Variants in SPATA6L observed in about 807,000 individuals in gnomAD.
SPATA6L encodes the protein spermatogenesis associated 6 like.
A neutral mutation model predicts 49.2 loss-of-function variants in SPATA6L; 68 were observed. That is an observed-to-expected ratio of 1.38 (90% CI 1.14 to 1.69). SPATA6L has a LOEUF of 1.69. Among genes scored for constraint, SPATA6L ranks in the 40% most tolerant of loss-of-function variants. The probability of loss-of-function intolerance (pLI) is 0.00; values close to 1 mark genes in which losing one functional copy is unlikely to be tolerated. For synonymous variants in SPATA6L, 198 were observed against 165.7 expected, an observed-to-expected ratio of 1.19 and a Z score of -1.50; for missense variants, 668 against 464.3, an observed-to-expected ratio of 1.44 and a Z score of -4.03.
In SPATA6L at chr9:4,615,578, G is replaced by T. The variant is rs538129477; in HGVS notation, c.995+2345C>A. ...ATCTAACACATATTTAAAGAGAAAA[G>T]AGGACTTCTCAGGTCTCTCTCCTGA... On this transcript the variant is annotated intron_variant, in intron 9 of 11. Transcript: ENST00000682582. 7.9e-5 allele frequency among the ~76,000 whole-genome samples: 12 copies of T among 152,312 alleles called. No individual in the cohort carries two copies. The South Asian group carries it at 2.3e-3, about 29-fold the overall frequency.
chr9:4,620,011 C>A (rs1828906774), intron 7 of SPATA6L, among the ~76,000 whole-genome samples: 1 of 152,104 alleles, frequency 6.6e-6, no homozygotes, highest in Non-Finnish European at 1.5e-5. Flanking sequence ...GACTGCTGAT[C>A]CCCCTCCCCA....
At position 4,602,611 on chromosome 9, in the gene SPATA6L, T is replaced by C. The variant is rs565535986; in HGVS notation, c.*1+1568A>G. ...CATAATTATTCTGATCCTGCTGACATGAGGACTATACAGGACAAAGCTATA... is the reference window on the plus strand; with the variant it reads ...CATAATTATTCTGATCCTGCTGACACGAGGACTATACAGGACAAAGCTATA... On this transcript the variant is annotated intron_variant, in intron 11 of 11. Transcript: ENST00000682582. 4.9e-4 allele frequency among the ~76,000 whole-genome samples: 74 copies of C among 152,336 alleles called. 1 individual carries two copies. In the South Asian group the frequency reaches 0.013, roughly 27 times the overall value.
chr9:4,621,717 A>G (rs866682491), intron 7 of SPATA6L, among the ~76,000 whole-genome samples: 7 of 152,050 alleles, frequency 4.6e-5, no homozygotes, highest in African/African-American at 1.7e-4. Flanking sequence ...CAAACTCCCA[A>G]CCTCAGGTGA....
At position 4,624,553 on chromosome 9, in the gene SPATA6L, C is replaced by A. The variant is rs543383587; in HGVS notation, c.669+774G>T. On this transcript the variant is annotated intron_variant, in intron 6 of 11. Coordinates refer to ENST00000682582, the MANE Select transcript of SPATA6L (RefSeq NM_001353486.2). ...GACCAGCCTGACCAACATGGTGAAA[C>A]CCTGTCTTTCCTAAAAGTACAAAAA... Among the ~76,000 whole-genome samples, 6 of 152,068 alleles carry A rather than the reference C, an allele frequency of 3.9e-5. No homozygotes were observed. The South Asian group carries it at 1.2e-3, about 32-fold the overall frequency.
At chr9:4,625,765 C>G (rs1002995823) in intron 5 of SPATA6L, 199 bp from the exon 6 acceptor site, 7 of 401,770 alleles carry the variant, frequency 1.7e-5, no homozygotes, top group Middle Eastern at 6.5e-4. Context: ...GTATTTATAA[C>G]TTGCTAGTAT....
intron 9 of SPATA6L, among the ~76,000 whole-genome samples, chr9:4,608,841 A>G (rs200187334): frequency 1.1e-4 from 17 of 152,290 alleles, no homozygotes; most frequent in African/African-American, 4.1e-4. Context: ...CCTTCAAAAA[A>G]TTAATGAATC....
Position 4,662,258 on chromosome 9 carries a change from T to A in SPATA6L, c.40-222A>T. 7.0e-7 allele frequency: 1 copy of A among 1,433,398 alleles called. No homozygotes were observed. The highest frequency in any genetic ancestry group is 1.4e-5 in the African/African-American group (1 of 69,550). 88.8% of individuals were successfully genotyped at this position (1,433,398 alleles called of 1,614,324 possible). ...TCTCCACCAGGTGTCACAATCGCGC[T>A]CTCGCCGGCTCCTCTCCCCGCCCCT... is the stretch of plus-strand genomic sequence containing the variant. On this transcript the variant is annotated intron_variant, in intron 1 of 11. Coordinates refer to ENST00000682582, the MANE Select transcript of SPATA6L (RefSeq NM_001353486.2). This position sits in a 1 kb window ranked among gnomAD's most constrained non-coding sequence, Gnocchi z 4.9.
chr9:4,597,071 C>T (rs373276557), downstream of SPATA6L, among the ~76,000 whole-genome samples: 3 of 152,256 alleles, frequency 2.0e-5, no homozygotes, highest in East Asian at 5.8e-4. Context: ...TTATTACCTC[C>T]ATATTATACA....
At chr9:4,645,851 T>C (rs1240031153) in intron 3 of SPATA6L, among the ~76,000 whole-genome samples, 1 of 152,108 alleles carries the variant, frequency 6.6e-6, no homozygotes, top group African/African-American at 2.4e-5. Flanking sequence ...GAATGGGAAA[T>C]GATTGCTAAT....
At chr9:4,644,585 T>C (rs372904167) in intron 3 of SPATA6L, among the ~76,000 whole-genome samples, 3 of 152,122 alleles carry the variant, frequency 2.0e-5, no homozygotes, top group South Asian at 4.1e-4. Flanking sequence ...GAAGCTGTTT[T>C]CATTTTGAGA....
chr9:4,626,735 C>T, intron 5 of SPATA6L: 1 of 359,344 alleles, frequency 2.8e-6, no homozygotes, highest in Non-Finnish European at 5.1e-6. Context: ...AAGTGCTCAA[C>T]AAAAGGAAAA....
chr9:4,656,494 A>G (rs968123577), intron 2 of SPATA6L, among the ~76,000 whole-genome samples: 16 of 133,606 alleles, frequency 1.2e-4, no homozygotes, highest in African/African-American at 5.2e-4. Flanking sequence ...GGAAGGAAGG[A>G]AGGAAGGAAG....
intron 13 of SPATA6L, among the ~76,000 whole-genome samples, chr9:4,592,314 C>CAAA (rs35362659): frequency 3.5e-5 from 4 of 114,154 alleles, no homozygotes; most frequent in Non-Finnish European, 5.2e-5. Flanking sequence ...GACTCCATCT[C>CAAA]AAAAAAAAAA....
intron 7 of SPATA6L, among the ~76,000 whole-genome samples, chr9:4,622,050 C>G (rs1223321942): frequency 1.3e-5 from 2 of 152,088 alleles, no homozygotes; most frequent in East Asian, 3.9e-4. Context: ...TTTTTGCCAT[C>G]CAGAAAAACG....
In SPATA6L at chr9:4,590,459, G is replaced by A. The variant is rs150378567; in HGVS notation, c.*255-1498C>T. Among the ~76,000 whole-genome samples, 26 of 152,238 alleles carry A rather than the reference G, an allele frequency of 1.7e-4. No homozygotes were observed. The East Asian group carries it at 4.6e-3, about 27-fold the overall frequency. On this transcript the variant is annotated intron_variant and NMD_transcript_variant, in intron 13 of 13. Coordinates refer to the SPATA6L transcript ENST00000461761. Reference sequence around the variant, plus strand: ...TTGGAAGGTGTCTCTCCAGAATTAGGGTGACACTTATGGTTTCATCTACAA... The same window carrying A: ...TTGGAAGGTGTCTCTCCAGAATTAGAGTGACACTTATGGTTTCATCTACAA...
intron 11 of SPATA6L, among the ~76,000 whole-genome samples, chr9:4,602,176 C>A (rs1170708258): frequency 1.3e-5 from 2 of 152,062 alleles, no homozygotes; most frequent in African/African-American, 4.8e-5. Flanking sequence ...TCTCTATCCC[C>A]CCACATCAAT....
At chr9:4,660,934 G>T (rs375390798) in intron 2 of SPATA6L, among the ~76,000 whole-genome samples, 1 of 152,038 alleles carries the variant, frequency 6.6e-6, no homozygotes, top group Non-Finnish European at 1.5e-5. Context: ...CACAAGGACA[G>T]AAAACCAAAC....
At chr9:4,660,632 A>G (rs1050028919) in intron 2 of SPATA6L, among the ~76,000 whole-genome samples, 3 of 152,246 alleles carry the variant, frequency 2.0e-5, no homozygotes, top group African/African-American at 4.8e-5. Context: ...GTGATTCCTC[A>G]AGGATCTAGA....
Position 4,662,226 on chromosome 9 carries a change from T to G in SPATA6L, c.40-190A>C, listed in dbSNP as rs1839966291. 3.5e-6 allele frequency: 5 copies of G among 1,433,748 alleles called. No individual in the cohort carries two copies. Among genetic ancestry groups the G allele is most frequent in the Non-Finnish European group, 4.5e-6 (5 of 1,098,906 alleles). The allele number at this position is 1,433,748 out of a possible 1,614,324, so 88.8% of individuals were successfully genotyped here. On this transcript the variant is annotated intron_variant, in intron 1 of 11. Transcript: ENST00000682582. The surrounding 1 kb of genome is among the most constrained non-coding windows in gnomAD (Gnocchi z 4.9). ...CCTCACATTGGAAATTCCAACTCCC[T>G]CCCACGTCTCCACCAGGTGTCACAA...
Sources: gnomAD v4.1 joint callset for allele counts (sites outside exome capture counted in the v4.1 genomes callset) on GRCh38, gnomAD v4.1.1 for gene constraint, Gnocchi (gnomAD v3.1) non-coding constraint, MANE v1.5 for transcripts, NCBI Gene and HGNC (gene_info 2026-07-23, HGNC 2026-07-21) for gene names.